Variants in TRIM71 observed in about 807,000 individuals in gnomAD.
TRIM71 encodes the protein tripartite motif containing 71.
A neutral mutation model predicts 61.2 loss-of-function variants in TRIM71; 9 were observed. The observed-to-expected ratio is 0.15, with a 90% confidence interval of 0.09 to 0.26. The LOEUF (loss-of-function observed/expected upper bound fraction) is 0.26. Among genes scored for constraint, TRIM71 ranks in the 10% least tolerant of loss-of-function variants. The pLI is 1.00. For missense variants in TRIM71, 998 were observed against 1,238.7 expected, an observed-to-expected ratio of 0.81 and a Z score of 2.92; for synonymous variants, 645 against 553.2, an observed-to-expected ratio of 1.17 and a Z score of -2.33.
Position 32,819,294 on chromosome 3 carries a change from C to T in TRIM71, c.852+362C>T, listed in dbSNP as rs537139188. 2.0e-5 allele frequency among the ~76,000 whole-genome samples: 3 copies of T among 152,302 alleles called. No individual in the cohort carries two copies. In the East Asian group the frequency reaches 5.8e-4, roughly 29 times the overall value. ...CCTGCTCCTGCTCTTGTGGGCACAC[C>T]AGAGGCCTCCCAACGTGCTGAGAAG... On this transcript the variant is annotated intron_variant, in intron 1 of 3. Transcript: ENST00000383763.
Position 32,818,272 on chromosome 3 carries a change from C to T in TRIM71, c.192C>T (p.Ala64=), listed in dbSNP as rs2125671748. 9 of 1,429,960 alleles carry T rather than the reference C, an allele frequency of 6.3e-6. No individual in the cohort carries two copies. The highest frequency in any genetic ancestry group is 4.5e-5 in the African/African-American group (3 of 66,602). 88.6% of individuals were successfully genotyped at this position (1,429,960 alleles called of 1,614,324 possible). The change falls in exon 1 of 4, where the codon GCC becomes GCT. Residue 64 remains alanine (A), a synonymous_variant. Transcript: ENST00000383763. ...TACACGTCCTGCCCTGCCTGCACGC[C>T]TTCTGCCGCCCCTGCCTCGAGGCGC... The part of the protein sequence containing the change: ...RRLHVLPCLH[A]FCRPCLEAHR...
chr3:32,820,358 C>T (rs1012651358), intron 1 of TRIM71, among the ~76,000 whole-genome samples: 8 of 152,238 alleles, frequency 5.3e-5, no homozygotes, highest in African/African-American at 1.4e-4. Context: ...TTGTTGTAGG[C>T]ATCTCCTTTT....
chr3:32,852,759 T>TAAA (rs36040321), intron 1 of TRIM71, among the ~76,000 whole-genome samples: 45 of 133,910 alleles, frequency 3.4e-4, no homozygotes, highest in African/African-American at 1.2e-3. Context: ...TACTGTCTTT[T>TAAA]AAAAAAAAAA....
intron 1 of TRIM71, among the ~76,000 whole-genome samples, chr3:32,872,268 A>T (rs1482524629): frequency 6.6e-6 from 1 of 152,186 alleles, no homozygotes; most frequent in Non-Finnish European, 1.5e-5. Flanking sequence ...TCTGAATCGT[A>T]AAGTTTCTAG....
chr3:32,842,104 G>A (rs997521), intron 1 of TRIM71, among the ~76,000 whole-genome samples: 86,037 of 152,108 alleles, frequency 0.57, 24,500 homozygotes, highest in Admixed American at 0.66. Context: ...GAAGGGAGAA[G>A]AGAAAGGAAA....
intron 1 of TRIM71, among the ~76,000 whole-genome samples, chr3:32,853,834 C>T (rs939364549): frequency 1.3e-5 from 2 of 152,140 alleles, no homozygotes; most frequent in African/African-American, 2.4e-5. Context: ...GAGTGAAACC[C>T]TATCTCGACT....
At chr3:32,870,595 C>T (rs181048797) in intron 1 of TRIM71, among the ~76,000 whole-genome samples, 23 of 152,220 alleles carry the variant, frequency 1.5e-4, no homozygotes, top group South Asian at 4.2e-4. Flanking sequence ...GCTGCCATAC[C>T]GGCCACTACC....
chr3:32,845,765 G>A (rs1696463730), intron 1 of TRIM71, among the ~76,000 whole-genome samples: 1 of 151,790 alleles, frequency 6.6e-6, no homozygotes, highest in South Asian at 2.1e-4. Context: ...AGGCTGGAGT[G>A]CAATGGAGTG....
At chr3:32,823,609 A>G (rs1043955077) in intron 1 of TRIM71, among the ~76,000 whole-genome samples, 5 of 149,336 alleles carry the variant, frequency 3.3e-5, no homozygotes, top group South Asian at 2.1e-4. Flanking sequence ...TCATTTGACA[A>G]CGGTATTTGT....
chr3:32,822,584 G>A lies in TRIM71; in HGVS notation c.852+3652G>A, dbSNP rs144880569. ...GACTGTACCTGTATTCAGCACCAGT[G>A]TATATTATTCTCTGTTCCCAAAGTC... On this transcript the variant is annotated intron_variant, in intron 1 of 3. Coordinates refer to ENST00000383763, the MANE Select transcript of TRIM71 (RefSeq NM_001039111.3). Among the ~76,000 whole-genome samples the A allele has an allele frequency of 3.9e-3, 592 of 152,234 alleles. 16 individuals carry two copies. The highest frequency in any genetic ancestry group is 0.037 in the East Asian group (191 of 5,188).
At chr3:32,820,911 C>T (rs1323516309) in intron 1 of TRIM71, among the ~76,000 whole-genome samples, 1 of 152,180 alleles carries the variant, frequency 6.6e-6, no homozygotes, top group Non-Finnish European at 1.5e-5. Context: ...GAGCAAGATT[C>T]TGCTTGCTCC....
Position 32,818,227 on chromosome 3 carries a change from T to A in TRIM71, c.147T>A (p.Pro49=), listed in dbSNP as rs866356190. ...STSSGGGGGG[P]GAAARRLHVL... ...CGTCGGGGGGCGGCGGCGGGGGCCCTGGGGCGGCGGCGCGCCGCCTACACG... is the reference window on the plus strand; with the variant it reads ...CGTCGGGGGGCGGCGGCGGGGGCCCAGGGGCGGCGGCGCGCCGCCTACACG... Residue 49 remains proline (P), a synonymous_variant, in exon 1 of 4, where the codon CCT becomes CCA. Transcript: ENST00000383763. 6.6e-7 allele frequency: 1 copy of A among 1,515,096 alleles called. No homozygotes were observed. Among genetic ancestry groups the A allele is most frequent in the African/African-American group, 1.4e-5 (1 of 69,508 alleles). The allele number at this position is 1,515,096 out of a possible 1,614,324, so 93.9% of individuals were successfully genotyped here.
At chr3:32,863,851 T>C (rs1696701248) in intron 1 of TRIM71, among the ~76,000 whole-genome samples, 1 of 151,958 alleles carries the variant, frequency 6.6e-6, no homozygotes, top group Non-Finnish European at 1.5e-5. Flanking sequence ...CTGGCTAACT[T>C]TTGTATTTTT....
At chr3:32,880,008 A>C (rs1016974887) in intron 2 of TRIM71, among the ~76,000 whole-genome samples, 1 of 152,002 alleles carries the variant, frequency 6.6e-6, no homozygotes, top group Non-Finnish European at 1.5e-5. Context: ...TTATCTATGA[A>C]GTGCAATAAA....
At chr3:32,863,500 T>C (rs1236803332) in intron 1 of TRIM71, among the ~76,000 whole-genome samples, 1 of 152,194 alleles carries the variant, frequency 6.6e-6, no homozygotes, top group African/African-American at 2.4e-5. Flanking sequence ...CCAGAAGGAT[T>C]CCCTTGGGGT....
intron 1 of TRIM71, among the ~76,000 whole-genome samples, chr3:32,872,185 C>T (rs1696803839): frequency 6.6e-6 from 1 of 152,142 alleles, no homozygotes; most frequent in South Asian, 2.1e-4. Flanking sequence ...CCATAAAAAC[C>T]TCCTGGTTAT....
chr3:32,891,947 TA>T lies in TRIM71; in HGVS notation c.*139del, dbSNP rs1697031822. 11 of 1,209,922 alleles carry T rather than the reference TA, an allele frequency of 9.1e-6. No individual in the cohort carries two copies. The highest frequency in any genetic ancestry group is 1.2e-5 in the Non-Finnish European group (11 of 902,634). 74.9% of individuals were successfully genotyped at this position (1,209,922 alleles called of 1,614,324 possible). A position where few individuals can be genotyped will look rare whatever the true frequency, so the allele number is the denominator to read the frequency against. ...AAATTTCTTTTTTCTTTTTTTTTTT[TA>T]AAGAGAACAAGAAAAGTACAACATT... On this transcript the variant is annotated 3_prime_UTR_variant, in exon 4 of 4. Coordinates refer to ENST00000383763, the MANE Select transcript of TRIM71 (RefSeq NM_001039111.3). The surrounding 1 kb of genome is among the most constrained non-coding windows in gnomAD (Gnocchi z 8.2).
chr3:32,871,354 T>C (rs1274651286), intron 1 of TRIM71, among the ~76,000 whole-genome samples: 1 of 152,186 alleles, frequency 6.6e-6, no homozygotes, highest in Non-Finnish European at 1.5e-5. Flanking sequence ...CACACAGCTG[T>C]CTTGAGAAGA....
intron 1 of TRIM71, among the ~76,000 whole-genome samples, chr3:32,871,790 G>A (rs990526560): frequency 6.6e-6 from 1 of 152,198 alleles, no homozygotes; most frequent in Non-Finnish European, 1.5e-5. Flanking sequence ...TGCTGGCAAA[G>A]CACTGCAGTG....
Sources: allele counts gnomAD v4.1 joint callset (sites outside exome capture counted in the v4.1 genomes callset), GRCh38; gene constraint gnomAD v4.1.1; non-coding constraint Gnocchi (gnomAD v3.1); transcripts MANE v1.5; gene names NCBI Gene and HGNC (gene_info 2026-07-23, HGNC 2026-07-21).